ZSWIM4: variants seen among roughly 807,000 people sequenced by gnomAD.
The protein encoded by ZSWIM4 is zinc finger SWIM-type containing 4, also known as zinc finger SWIM domain-containing protein 4.
ZSWIM4 carries 62 observed loss-of-function variants against 102.5 expected under a neutral mutation model. The observed-to-expected ratio is 0.60, with a 90% confidence interval of 0.49 to 0.75. The LOEUF is 0.75. Ranked by LOEUF, ZSWIM4 falls within the 30% of genes least tolerant of loss-of-function variation. ZSWIM4 has a pLI of 0.00. For missense variants in ZSWIM4, 1,280 were observed against 1,529.6 expected (o/e 0.84, Z 2.72); for synonymous variants, 652 against 674.5 (o/e 0.97, Z 0.52).
chr19:13,816,624 C>T lies in ZSWIM4; in HGVS notation c.1532-592C>T, dbSNP rs142201695. Reference sequence around the variant, plus strand: ...TAGTCTGGGCAACAAGAGCAAAACTCCATCTCAGAAAAAATTTAAAAAAAG... The same window carrying T: ...TAGTCTGGGCAACAAGAGCAAAACTTCATCTCAGAAAAAATTTAAAAAAAG... On this transcript the variant is annotated intron_variant, in intron 7 of 13. Transcript: ENST00000590508. 2.2e-4 allele frequency among the ~76,000 whole-genome samples: 33 copies of T among 151,970 alleles called. No individual in the cohort carries two copies. In the East Asian group the frequency reaches 6.2e-3, roughly 29 times the overall value.
At position 13,797,424 on chromosome 19, in the gene ZSWIM4, C is replaced by A. The variant is rs571284271; in HGVS notation, c.153+1623C>A. On this transcript the variant is annotated intron_variant, in intron 1 of 13. Coordinates refer to ENST00000590508, the MANE Select transcript of ZSWIM4 (RefSeq NM_001367834.3). ...GTCTGTCTTAGGAGTTGAAACAACT[C>A]ACAGCTCTGGGACCCTGAACAAGTG... Among the ~76,000 whole-genome samples, 18 of 152,266 alleles carry A rather than the reference C, an allele frequency of 1.2e-4. 1 individual carries two copies. The highest frequency in any genetic ancestry group is 4.3e-4 in the African/African-American group (18 of 41,558).
intron 5 of ZSWIM4, among the ~76,000 whole-genome samples, chr19:13,811,525 G>A (rs1431348825): frequency 6.6e-6 from 1 of 151,832 alleles, no homozygotes; most frequent in African/African-American, 2.4e-5. Flanking sequence ...GCAAGACCCT[G>A]TCTCAACAAC....
In ZSWIM4 at chr19:13,813,059, C is replaced by T; in HGVS notation, c.1075C>T (p.Leu359Phe). 3.1e-6 allele frequency: 5 copies of T among 1,613,902 alleles called. No individual in the cohort carries two copies. The highest frequency in any genetic ancestry group is 4.2e-6 in the Non-Finnish European group (5 of 1,179,966). The change falls in exon 6 of 14, where the codon CTC becomes TTC. Residue 359 changes from leucine to phenylalanine, a missense_variant. Coordinates refer to ENST00000590508, the MANE Select transcript of ZSWIM4 (RefSeq NM_001367834.3). ...HCKPEERAGW[L>F]QLLSRWDKLD... ...CAAACCAGAGGAAAGGGCAGGCTGG[C>T]TCCAGCTACTCAGCAGGTGGGACAA...
chr19:13,797,547 T>C (rs1404457483), intron 1 of ZSWIM4, among the ~76,000 whole-genome samples: 1 of 152,216 alleles, frequency 6.6e-6, no homozygotes, highest in East Asian at 1.9e-4. Flanking sequence ...TTAGCTTCCC[T>C]AGGCCACACT....
At position 13,828,327 on chromosome 19, in the gene ZSWIM4, G is replaced by T. The variant is rs2145380997; in HGVS notation, c.2380-318G>T. Among the ~76,000 whole-genome samples, 3 of 152,064 alleles carry T rather than the reference G, an allele frequency of 2.0e-5. No individual in the cohort carries two copies. The Middle Eastern group carries it at 0.01, about 517-fold the overall frequency. ...GGGAGCCTGAGGCAGGAGAATGCTTGAACTCGGGAGGCGGAGGTTGTAGTG... is the reference window on the plus strand; with the variant it reads ...GGGAGCCTGAGGCAGGAGAATGCTTTAACTCGGGAGGCGGAGGTTGTAGTG... On this transcript the variant is annotated intron_variant, in intron 12 of 13. Transcript: ENST00000590508.
At chr19:13,808,663 C>G (rs1195814536) in intron 3 of ZSWIM4, among the ~76,000 whole-genome samples, 173 bp from the exon 4 acceptor site, 1 of 149,600 alleles carries the variant, frequency 6.7e-6, no homozygotes, top group Non-Finnish European at 1.5e-5. Context: ...CACTTGAACC[C>G]GGGAGGCAGA....
Position 13,802,584 on chromosome 19 carries a change from GA to G in ZSWIM4, c.356-2198del, listed in dbSNP as rs148052261. 2.6e-3 allele frequency among the ~76,000 whole-genome samples: 372 copies of G among 145,044 alleles called. 1 individual carries two copies. Among genetic ancestry groups the G allele is most frequent in the Admixed American group, 3.8e-3 (55 of 14,590 alleles). ...AAGAGAGAGAGACTCTGTCTCAAAA[GA>G]AAAAAAAAAGGGAGATAGGGTCTCA... On this transcript the variant is annotated intron_variant, in intron 2 of 13. Transcript: ENST00000590508.
chr19:13,801,503 G>A (rs1308382881), intron 2 of ZSWIM4, among the ~76,000 whole-genome samples: 1 of 152,150 alleles, frequency 6.6e-6, no homozygotes, highest in African/African-American at 2.4e-5. Flanking sequence ...ACCTCAGGCA[G>A]TGGGGCCCAC....
chr19:13,801,576 C>T (rs1599580493), intron 2 of ZSWIM4, among the ~76,000 whole-genome samples: 1 of 152,160 alleles, frequency 6.6e-6, no homozygotes, highest in East Asian at 1.9e-4. Context: ...GGCAGAGAGG[C>T]TGGGATTTCA....
chr19:13,797,234 T>A (rs1974635858), intron 1 of ZSWIM4, among the ~76,000 whole-genome samples: 1 of 152,178 alleles, frequency 6.6e-6, no homozygotes, highest in Admixed American at 6.6e-5. Context: ...GTTGAGAAAC[T>A]TGCCCAAGGT....
intron 10 of ZSWIM4, 144 bp from the exon 11 acceptor site, chr19:13,823,202 T>C (rs551001313): frequency 1.1e-5 from 8 of 742,592 alleles, no homozygotes; most frequent in Middle Eastern, 4.0e-4. Flanking sequence ...AGTGAACATC[T>C]TGCACACACA....
At chr19:13,805,254 G>GC (rs776307135) in intron 3 of ZSWIM4, 106 bp downstream of exon 3, 3 of 1,094,184 alleles carry the variant, frequency 2.7e-6, no homozygotes, top group Non-Finnish European at 4.0e-6. Context: ...AGTTGTGGGG[G>GC]CGGGGGGCGG....
intron 2 of ZSWIM4, among the ~76,000 whole-genome samples, chr19:13,802,325 A>G (rs1273569645): frequency 4.8e-5 from 7 of 145,692 alleles, no homozygotes; most frequent in South Asian, 2.4e-4. Flanking sequence ...AGTGGCTCAC[A>G]CCTGTAATCC....
intron 10 of ZSWIM4, 53 bp from the exon 11 acceptor site, chr19:13,823,293 A>C: frequency 6.4e-7 from 1 of 1,562,230 alleles, no homozygotes; most frequent in South Asian, 1.2e-5. Context: ...TCTCCTAGAG[A>C]GAATGGGGAC....
chr19:13,817,200 CT>C lies in ZSWIM4; in HGVS notation c.1532-15del, dbSNP rs1376464714. On this transcript the variant is annotated splice_polypyrimidine_tract_variant and intron_variant, in intron 7 of 13. Coordinates refer to ENST00000590508, the MANE Select transcript of ZSWIM4 (RefSeq NM_001367834.3). ...GGCAGGTGTGTGGGCATTGAGCCCCCTCTTTCCACCTGCAGAGCTGCTCCAG... is the reference window on the plus strand; with the variant it reads ...GGCAGGTGTGTGGGCATTGAGCCCCCCTTTCCACCTGCAGAGCTGCTCCAG... 6.2e-7 allele frequency: 1 copy of C among 1,603,330 alleles called. No homozygotes were observed. Among genetic ancestry groups the C allele is most frequent in the East Asian group, 2.2e-5 (1 of 44,582 alleles).
rs1975600723 is a variant in ZSWIM4 at position 13,825,994 on chromosome 19, C to T, written c.2379+281C>T. Among the ~76,000 whole-genome samples, 1 of 151,532 alleles carries T rather than the reference C, an allele frequency of 6.6e-6. No individual in the cohort carries two copies. Among genetic ancestry groups the T allele is most frequent in the Non-Finnish European group, 1.5e-5 (1 of 67,896 alleles). On this transcript the variant is annotated intron_variant, in intron 12 of 13. Transcript: ENST00000590508. This position sits in a 1 kb window ranked among gnomAD's most constrained non-coding sequence, Gnocchi z 4.6. ...CCCTGGGAATGGGGACTGGATGAAT[C>T]GTGTCTCTGGGGATGGGGTCTTCAC...
intron 5 of ZSWIM4, among the ~76,000 whole-genome samples, chr19:13,811,074 C>T (rs1165887096): frequency 6.6e-6 from 1 of 151,298 alleles, no homozygotes; most frequent in East Asian, 2.0e-4. Flanking sequence ...CCACCACGCC[C>T]GGCTAATTTT....
At position 13,795,476 on chromosome 19, in the gene ZSWIM4, C is replaced by T; in HGVS notation, c.-173C>T. The T allele has an allele frequency of 4.9e-6, 1 of 205,788 alleles. No homozygotes were observed. Among genetic ancestry groups the T allele is most frequent in the Middle Eastern group, 1.8e-3 (1 of 568 alleles). The allele number at this position is 205,788 out of a possible 1,614,324, so 12.7% of individuals were successfully genotyped here. A position where few individuals can be genotyped will look rare whatever the true frequency, so the allele number is the denominator to read the frequency against. On this transcript the variant is annotated 5_prime_UTR_variant, in exon 1 of 14. Coordinates refer to ENST00000590508, the MANE Select transcript of ZSWIM4 (RefSeq NM_001367834.3). Reference sequence around the variant, plus strand: ...GAAGAGTCTTAAAGGGGCCGCATCACCCTGCCGGCCCGGCGCGGGTCGGGG... The same window carrying T: ...GAAGAGTCTTAAAGGGGCCGCATCATCCTGCCGGCCCGGCGCGGGTCGGGG...
At chr19:13,820,012 C>T (rs546322762) in intron 10 of ZSWIM4, among the ~76,000 whole-genome samples, 6 of 151,990 alleles carry the variant, frequency 3.9e-5, no homozygotes, top group Admixed American at 6.6e-5. Context: ...CCCGCCACCA[C>T]GCCCGGCTAA....
Sources: gnomAD v4.1 joint callset for allele counts (sites outside exome capture counted in the v4.1 genomes callset) on GRCh38, gnomAD v4.1.1 for gene constraint, Gnocchi (gnomAD v3.1) non-coding constraint, MANE v1.5 for transcripts, NCBI Gene and HGNC (gene_info 2026-07-23, HGNC 2026-07-21) for gene names.